FAM107B: variants seen among roughly 807,000 people sequenced by gnomAD.
The protein encoded by FAM107B is protein FAM107B.
FAM107B carries 21 observed loss-of-function variants against 31.5 expected under a neutral mutation model. That is an observed-to-expected ratio of 0.67 (90% CI 0.47 to 0.96). The LOEUF is 0.96. Among genes scored for constraint, FAM107B ranks in the 40% least tolerant of loss-of-function variants. The pLI is 0.00. For synonymous variants in FAM107B, 157 were observed against 141.5 expected, an observed-to-expected ratio of 1.11 and a Z score of -0.78; for missense variants, 452 against 377.1, an observed-to-expected ratio of 1.20 and a Z score of -1.64.
chr10:14,536,019 G>T (rs1201331300), intron 2 of FAM107B, among the ~76,000 whole-genome samples: 1 of 152,132 alleles, frequency 6.6e-6, no homozygotes, highest in Non-Finnish European at 1.5e-5. Flanking sequence ...CCATTCCCTC[G>T]GAAAACTTTC....
chr10:14,668,026 G>A (rs960741392), intron 1 of FAM107B, among the ~76,000 whole-genome samples: 1 of 151,442 alleles, frequency 6.6e-6, no homozygotes, highest in Non-Finnish European at 1.5e-5. Context: ...TGATGGTGAC[G>A]GGGTTTTTTT....
chr10:14,744,224 C>T (rs1832681171), intron 1 of FAM107B, among the ~76,000 whole-genome samples: 1 of 152,148 alleles, frequency 6.6e-6, no homozygotes, highest in East Asian at 1.9e-4. Flanking sequence ...GATGAAGTTG[C>T]TTATCAGCTT....
chr10:14,590,911 T>A (rs1851995109), intron 2 of FAM107B, among the ~76,000 whole-genome samples: 1 of 137,366 alleles, frequency 7.3e-6, no homozygotes, highest in South Asian at 2.2e-4. Context: ...ATCACATGAA[T>A]CCAGGAGGCG....
At chr10:14,747,140 A>T (rs1027341246) in intron 1 of FAM107B, among the ~76,000 whole-genome samples, 3 of 152,138 alleles carry the variant, frequency 2.0e-5, no homozygotes, top group Non-Finnish European at 4.4e-5. Context: ...TCTCAGCTCC[A>T]TCAGGTCATT....
At chr10:14,576,607 G>C (rs1431468015) in intron 2 of FAM107B, among the ~76,000 whole-genome samples, 2 of 152,100 alleles carry the variant, frequency 1.3e-5, no homozygotes, top group African/African-American at 4.8e-5. Context: ...CAAAATTATG[G>C]CTTTCTGTAC....
intron 1 of FAM107B, among the ~76,000 whole-genome samples, chr10:14,711,600 T>C (rs1855648098): frequency 6.6e-6 from 1 of 152,244 alleles, no homozygotes; most frequent in African/African-American, 2.4e-5. Flanking sequence ...CACGTAATGA[T>C]GAAATTGCCT....
At chr10:14,756,780 G>C (rs1225711825) in intron 1 of FAM107B, among the ~76,000 whole-genome samples, 2 of 152,164 alleles carry the variant, frequency 1.3e-5, no homozygotes, top group Non-Finnish European at 2.9e-5. Flanking sequence ...ATCAATGATA[G>C]ACTAGATAAG....
At chr10:14,580,966 T>C (rs1851616265) in intron 2 of FAM107B, among the ~76,000 whole-genome samples, 1 of 152,188 alleles carries the variant, frequency 6.6e-6, no homozygotes. Flanking sequence ...CAATAAGCAA[T>C]CTCACCTGGC....
chr10:14,618,055 T>G (rs1332685689), intron 2 of FAM107B, among the ~76,000 whole-genome samples: 1 of 152,214 alleles, frequency 6.6e-6, no homozygotes, highest in African/African-American at 2.4e-5. Flanking sequence ...CTAAAAAAGT[T>G]GACTCATGTC....
intron 3 of FAM107B, chr10:14,528,004 T>C (rs1220528699): frequency 5.3e-6 from 2 of 377,878 alleles, no homozygotes; most frequent in African/African-American, 2.2e-5. Context: ...CTTTTCTTTT[T>C]TTTTTTTTTA....
At chr10:14,634,753 G>T (rs931672383) in intron 2 of FAM107B, among the ~76,000 whole-genome samples, 3 of 152,068 alleles carry the variant, frequency 2.0e-5, no homozygotes, top group Non-Finnish European at 4.4e-5. Context: ...CATCACTGTG[G>T]GGGTGGAGAT....
chr10:14,658,156 A>G (rs1420283777), intron 2 of FAM107B, among the ~76,000 whole-genome samples: 1 of 152,164 alleles, frequency 6.6e-6, no homozygotes, highest in Non-Finnish European at 1.5e-5. Context: ...AAATCCAATT[A>G]CTATTATTTG....
At chr10:14,542,067 G>A (rs1469768458) in intron 2 of FAM107B, among the ~76,000 whole-genome samples, 2 of 151,954 alleles carry the variant, frequency 1.3e-5, no homozygotes, top group African/African-American at 2.4e-5. Flanking sequence ...AGACCAGCTT[G>A]GCCAAGTAGA....
At chr10:14,668,054 GT>G (rs145688330) in intron 1 of FAM107B, among the ~76,000 whole-genome samples, 1 of 151,538 alleles carries the variant, frequency 6.6e-6, no homozygotes, top group Non-Finnish European at 1.5e-5. Context: ...TGTTTTTTGG[GT>G]TTTTTTTGGT....
rs1226677568 is a variant in FAM107B at position 14,521,957 on chromosome 10, T to C, written c.716A>G (p.Gln239Arg). ...TTCTTCTTCCTTCTGCTTTATTACT[T>C]GGTCTCGTTTTCTTTTTTCCATCAC... is the stretch of plus-strand genomic sequence containing the variant. ...QKVMEKRKRD[Q>R]VIKQKEEEAQ... is the part of the protein sequence containing the mutation. The change falls in exon 4 of 5, where the codon CAA (glutamine) becomes CGA (arginine). Residue 239 changes from glutamine to arginine, a missense_variant. Physicochemically the swap from Gln to Arg is conservative, Grantham distance 43. Transcript: ENST00000181796. 2 of 1,614,200 alleles carry C rather than the reference T, an allele frequency of 1.2e-6. No homozygotes were observed. The highest frequency in any genetic ancestry group is 1.7e-6 in the Non-Finnish European group (2 of 1,180,026).
chr10:14,601,943 C>T (rs954958471), intron 2 of FAM107B, among the ~76,000 whole-genome samples: 1 of 152,150 alleles, frequency 6.6e-6, no homozygotes, highest in Non-Finnish European at 1.5e-5. Flanking sequence ...GAATGAATGA[C>T]GGCGTCCATC....
chr10:14,536,972 ATATTT>A (rs1196071234), intron 2 of FAM107B, among the ~76,000 whole-genome samples: 1 of 152,216 alleles, frequency 6.6e-6, no homozygotes, highest in African/African-American at 2.4e-5. Flanking sequence ...AATAAGGCAC[ATATTT>A]TATATTTAGA....
At chr10:14,668,321 G>A (rs1854460402) in intron 1 of FAM107B, among the ~76,000 whole-genome samples, 1 of 152,148 alleles carries the variant, frequency 6.6e-6, no homozygotes, top group Non-Finnish European at 1.5e-5. Flanking sequence ...GGGGTTCCAG[G>A]AGTGAGCCAC....
At chr10:14,637,922 A>C (rs922374852) in intron 2 of FAM107B, among the ~76,000 whole-genome samples, 1 of 152,100 alleles carries the variant, frequency 6.6e-6, no homozygotes, top group Non-Finnish European at 1.5e-5. Context: ...CCTAGCAGAC[A>C]CTTTGATTGC....
Sources: allele counts gnomAD v4.1 joint callset (sites outside exome capture counted in the v4.1 genomes callset), GRCh38; gene constraint gnomAD v4.1.1; transcripts MANE v1.5; gene names NCBI Gene and HGNC (gene_info 2026-07-23, HGNC 2026-07-21).